RERE: variants seen among roughly 807,000 people sequenced by gnomAD.
RERE encodes the protein arginine-glutamic acid dipeptide repeats.
A neutral mutation model predicts 146.1 loss-of-function variants in RERE; 40 were observed. That is an observed-to-expected ratio of 0.27 (90% CI 0.21 to 0.36). RERE has a LOEUF of 0.36. Among genes scored for constraint, RERE ranks in the 10% least tolerant of loss-of-function variants. The pLI, the probability that RERE is intolerant of heterozygous loss-of-function variation, is 1.00. For synonymous variants in RERE, 1,003 were observed against 866.0 expected (o/e 1.16, Z -2.78); for missense variants, 1,933 against 2,138.7 (o/e 0.90, Z 1.90).
chr1:8,757,911 T>TACACACACACAC (rs35913290), intron 1 of RERE, among the ~76,000 whole-genome samples: 5 of 30,170 alleles, frequency 1.7e-4, no homozygotes, highest in East Asian at 6.2e-3. Flanking sequence ...CACACATACA[T>TACACACACACAC]ACACACACAC....
At chr1:8,695,121 AC>A (rs150384011) in intron 1 of RERE, among the ~76,000 whole-genome samples, 7,081 of 152,118 alleles carry the variant, frequency 0.047, 535 homozygotes, top group African/African-American at 0.16. Flanking sequence ...AAAGTCATAA[AC>A]CTACAGCCAT....
chr1:8,500,306 C>A (rs11584261), intron 8 of RERE, among the ~76,000 whole-genome samples: 24,928 of 152,148 alleles, frequency 0.16, 2,359 homozygotes, highest in Middle Eastern at 0.29. Context: ...ACCTCCCCCC[C>A]ATTCTTGAGA....
chr1:8,793,827 G>A (rs959451952), intron 1 of RERE, among the ~76,000 whole-genome samples: 1 of 152,202 alleles, frequency 6.6e-6, no homozygotes, highest in Non-Finnish European at 1.5e-5. Flanking sequence ...CACTTTGGGA[G>A]GCCAAGACAG....
intron 12 of RERE, among the ~76,000 whole-genome samples, chr1:8,413,134 C>A (rs531818528): frequency 6.6e-6 from 1 of 152,150 alleles, no homozygotes. Context: ...CACACACATA[C>A]TTCATTTTAA....
At chr1:8,757,074 G>C in intron 1 of RERE, among the ~76,000 whole-genome samples, 1 of 111,204 alleles carries the variant, frequency 9.0e-6, no homozygotes, top group Admixed American at 1.3e-4. Flanking sequence ...TGGGCAACAA[G>C]AGCAAAACTC....
intron 2 of RERE, among the ~76,000 whole-genome samples, chr1:8,646,443 G>A (rs1437594169): frequency 2.0e-5 from 3 of 151,828 alleles, no homozygotes; most frequent in Non-Finnish European, 4.4e-5. Flanking sequence ...GAGGCAGGAG[G>A]ACCACTTGAG....
At chr1:8,731,714 G>A (rs1360217736) in intron 1 of RERE, among the ~76,000 whole-genome samples, 2 of 152,174 alleles carry the variant, frequency 1.3e-5, no homozygotes, top group African/African-American at 4.8e-5. Context: ...GGAAACGGAA[G>A]CATCTAACCC....
chr1:8,786,046 G>C (rs1384340580), intron 1 of RERE, among the ~76,000 whole-genome samples: 1 of 151,992 alleles, frequency 6.6e-6, no homozygotes, highest in Non-Finnish European at 1.5e-5. Flanking sequence ...CAGGCCCACA[G>C]CACATCCCCT....
intron 7 of RERE, among the ~76,000 whole-genome samples, chr1:8,530,738 G>A (rs1645635911): frequency 7.7e-6 from 1 of 129,762 alleles, no homozygotes; most frequent in African/African-American, 3.0e-5. Context: ...AGGCCGGACT[G>A]CGGACTGCAG....
At chr1:8,386,022 A>ATATATATTTTT (rs1186333936) in intron 12 of RERE, among the ~76,000 whole-genome samples, 4 of 26,634 alleles carry the variant, frequency 1.5e-4, no homozygotes, top group Non-Finnish European at 1.8e-4. Flanking sequence ...ATATATATAT[A>ATATATATTTTT]TTTTTTTTTT....
intron 7 of RERE, among the ~76,000 whole-genome samples, chr1:8,512,373 G>A (rs1395442460): frequency 6.6e-6 from 1 of 151,534 alleles, no homozygotes; most frequent in Non-Finnish European, 1.5e-5. Context: ...TTGATGCAAT[G>A]ACTACATTTT....
intron 1 of RERE, among the ~76,000 whole-genome samples, chr1:8,668,024 C>T (rs926898982): frequency 6.6e-6 from 1 of 152,218 alleles, no homozygotes; most frequent in East Asian, 1.9e-4. Context: ...CCAGATACTG[C>T]CACATATCCC....
intron 12 of RERE, among the ~76,000 whole-genome samples, chr1:8,367,470 T>C (rs1300582639): frequency 1.3e-5 from 2 of 152,188 alleles, no homozygotes; most frequent in Admixed American, 1.3e-4. Flanking sequence ...ATAAAGCCCA[T>C]CACATGTATC....
intron 4 of RERE, among the ~76,000 whole-genome samples, chr1:8,612,970 G>T (rs1413259888): frequency 6.6e-6 from 1 of 151,906 alleles, no homozygotes; most frequent in Non-Finnish European, 1.5e-5. Context: ...CCTTTTTTTG[G>T]TATGACCCTT....
intron 1 of RERE, among the ~76,000 whole-genome samples, chr1:8,711,545 G>A (rs533648138): frequency 1.3e-5 from 2 of 152,240 alleles, no homozygotes; most frequent in South Asian, 4.1e-4. Context: ...AGAGCGATAC[G>A]TTGAAAAGCC....
At chr1:8,547,953 G>A (rs781425368) in intron 6 of RERE, among the ~76,000 whole-genome samples, 11 of 152,118 alleles carry the variant, frequency 7.2e-5, no homozygotes, top group African/African-American at 1.2e-4. Flanking sequence ...TAGGAACAAC[G>A]TAAATGCTCA....
At chr1:8,484,869 T>C (rs552193721) in intron 10 of RERE, among the ~76,000 whole-genome samples, 1 of 152,370 alleles carries the variant, frequency 6.6e-6, no homozygotes, top group South Asian at 2.1e-4. Flanking sequence ...TTATTACATC[T>C]TCTTCCTCTA....
intron 12 of RERE, among the ~76,000 whole-genome samples, chr1:8,414,897 G>A (rs138725655): frequency 9.9e-5 from 15 of 152,022 alleles, no homozygotes; most frequent in African/African-American, 3.6e-4. Flanking sequence ...CCCATGCTGA[G>A]CAGCTGGGAC....
chr1:8,544,174 C>T (rs1645831755), intron 6 of RERE, among the ~76,000 whole-genome samples: 1 of 152,078 alleles, frequency 6.6e-6, no homozygotes, highest in Admixed American at 6.6e-5. Flanking sequence ...GAGTGAAAAC[C>T]TGAACCAACC....
Sources: gnomAD v4.1 joint callset for allele counts (sites outside exome capture counted in the v4.1 genomes callset) on GRCh38, gnomAD v4.1.1 for gene constraint, MANE v1.5 for transcripts, NCBI Gene and HGNC (gene_info 2026-07-23, HGNC 2026-07-21) for gene names.